Variants in THRB observed in about 807,000 individuals in gnomAD.
The protein encoded by THRB is thyroid hormone receptor beta.
A neutral mutation model predicts 47.8 loss-of-function variants in THRB; 12 were observed. The observed-to-expected ratio is 0.25, with a 90% CI of 0.16 to 0.41. The LOEUF (loss-of-function observed/expected upper bound fraction) is 0.41. Ranked by LOEUF, THRB falls within the 10% of genes least tolerant of loss-of-function variation. The pLI, the probability that THRB is intolerant of heterozygous loss-of-function variation, is 1.00. For synonymous variants in THRB, 218 were observed against 212.2 expected (o/e 1.03, Z -0.24); for missense variants, 348 against 589.2 (o/e 0.59, Z 4.24).
intron 1 of THRB, among the ~76,000 whole-genome samples, chr3:24,439,667 A>G (rs2071341028): frequency 6.6e-6 from 1 of 152,104 alleles, no homozygotes; most frequent in Non-Finnish European, 1.5e-5. Context: ...AAGGCAACCC[A>G]CTCTATTTTG....
intron 1 of THRB, among the ~76,000 whole-genome samples, chr3:24,376,206 G>A (rs1577182931): frequency 6.6e-6 from 1 of 152,172 alleles, no homozygotes; most frequent in Admixed American, 6.5e-5. Context: ...ACAAATATTT[G>A]AAGCCACAAT....
chr3:24,129,431 G>C (rs572832457), intron 9 of THRB, among the ~76,000 whole-genome samples: 54 of 152,262 alleles, frequency 3.5e-4, no homozygotes, highest in African/African-American at 1.3e-3. Flanking sequence ...TGCAAACTGG[G>C]GCAGGCCCCA....
chr3:24,219,295 C>CA (rs2046928107), intron 4 of THRB, among the ~76,000 whole-genome samples: 1 of 151,822 alleles, frequency 6.6e-6, no homozygotes, highest in Non-Finnish European at 1.5e-5. Flanking sequence ...GACCCTGTCT[C>CA]AAAAAACAAA....
At chr3:24,233,611 G>GAA (rs1190094793) in intron 3 of THRB, among the ~76,000 whole-genome samples, 1 of 133,104 alleles carries the variant, frequency 7.5e-6, no homozygotes, top group Non-Finnish European at 1.7e-5. Flanking sequence ...AAGAAAGAAA[G>GAA]AAAGAGAAAG....
At chr3:24,250,294 G>A (rs1456765674) in intron 3 of THRB, among the ~76,000 whole-genome samples, 1 of 152,174 alleles carries the variant, frequency 6.6e-6, no homozygotes, top group Non-Finnish European at 1.5e-5. Context: ...CTCGCAGGTA[G>A]TATTGACTGC....
intron 5 of THRB, among the ~76,000 whole-genome samples, chr3:24,159,354 A>G (rs1435425366): frequency 6.6e-6 from 1 of 152,236 alleles, no homozygotes; most frequent in African/African-American, 2.4e-5. Context: ...AAAGAGATTG[A>G]TGCTTTCGTA....
intron 3 of THRB, among the ~76,000 whole-genome samples, chr3:24,270,725 C>G (rs1041792277): frequency 2.0e-5 from 3 of 152,230 alleles, no homozygotes; most frequent in Admixed American, 6.5e-5. Context: ...TCTAGCCTAA[C>G]TTCTGTTCCC....
At chr3:24,188,544 T>A (rs374464952) in intron 5 of THRB, among the ~76,000 whole-genome samples, 1 of 152,120 alleles carries the variant, frequency 6.6e-6, no homozygotes, top group Non-Finnish European at 1.5e-5. Flanking sequence ...AATGAATAAA[T>A]GAATGAATAT....
intron 3 of THRB, among the ~76,000 whole-genome samples, chr3:24,241,100 A>C (rs1422720054): frequency 6.6e-6 from 1 of 152,206 alleles, no homozygotes; most frequent in Non-Finnish European, 1.5e-5. Context: ...TGTGGCAACA[A>C]AACGGCAATG....
chr3:24,434,277 G>C (rs1352353203), intron 1 of THRB, among the ~76,000 whole-genome samples: 4 of 152,172 alleles, frequency 2.6e-5, no homozygotes, highest in Non-Finnish European at 5.9e-5. Context: ...ATTTGCCTTG[G>C]AGCCTTCTGT....
rs189616782 is a variant in THRB at position 24,233,698 on chromosome 3, C to T, written c.-42-4697G>A. 3.1e-3 allele frequency among the ~76,000 whole-genome samples: 473 copies of T among 152,068 alleles called. 1 individual carries two copies. The highest frequency in any genetic ancestry group is 0.01 in the African/African-American group (429 of 41,470). ...GATGTCTCATGTACAATATCCTGGA[C>T]GATGGAAAACGTATCTTAAGGAAAC... On this transcript the variant is annotated intron_variant, in intron 3 of 10. Transcript: ENST00000646209.
At chr3:24,248,936 T>C (rs1206949991) in intron 3 of THRB, among the ~76,000 whole-genome samples, 1 of 152,206 alleles carries the variant, frequency 6.6e-6, no homozygotes, top group Non-Finnish European at 1.5e-5. Context: ...GCTTTAGTGC[T>C]CCAATTCCGA....
intron 3 of THRB, among the ~76,000 whole-genome samples, chr3:24,249,993 C>T (rs1198977555): frequency 1.3e-5 from 2 of 152,114 alleles, no homozygotes; most frequent in Non-Finnish European, 2.9e-5. Context: ...ACTTTTGCAC[C>T]AACCTAGTAC....
In THRB at chr3:24,209,882, T is replaced by C. The variant is rs1387733307; in HGVS notation, c.22+19056A>G. ...CAGCTTAAGATACAAACATTTCTAG[T>C]AATGAAAGTCTGGCCTGAGATATTT... On this transcript the variant is annotated intron_variant, in intron 4 of 10. Transcript: ENST00000646209. Among the ~76,000 whole-genome samples the C allele has an allele frequency of 2.0e-5, 3 of 152,206 alleles. No individual in the cohort carries two copies. The East Asian group carries it at 5.8e-4, about 29-fold the overall frequency.
At chr3:24,419,527 T>A (rs535916139) in intron 1 of THRB, among the ~76,000 whole-genome samples, 3 of 152,014 alleles carry the variant, frequency 2.0e-5, no homozygotes, top group African/African-American at 7.2e-5. Flanking sequence ...CCCTTTTGAT[T>A]CCTATTTGAG....
Position 24,210,417 on chromosome 3 carries a change from T to G in THRB, c.22+18521A>C, listed in dbSNP as rs6792586. Among the ~76,000 whole-genome samples, 1,234 of 152,182 alleles carry G rather than the reference T, an allele frequency of 8.1e-3. 12 individuals are homozygous for G. Among genetic ancestry groups the G allele is most frequent in the African/African-American group, 0.027 (1,117 of 41,544 alleles). ...AGGTTGGTTTATTTGTTTGTTTTTTTTTTTTGCTTCTGTGGGGCATAGCTG... is the reference window on the plus strand; with the variant it reads ...AGGTTGGTTTATTTGTTTGTTTTTTGTTTTTGCTTCTGTGGGGCATAGCTG... On this transcript the variant is annotated intron_variant, in intron 4 of 10. Transcript: ENST00000646209.
intron 4 of THRB, among the ~76,000 whole-genome samples, chr3:24,190,927 A>C (rs543270268): frequency 6.6e-6 from 1 of 152,166 alleles, no homozygotes; most frequent in East Asian, 1.9e-4. Context: ...GAAGTTTTGT[A>C]AAGGGCTTCA....
intron 8 of THRB, among the ~76,000 whole-genome samples, chr3:24,140,362 G>A (rs2035274169): frequency 6.6e-6 from 1 of 152,094 alleles, no homozygotes; most frequent in Non-Finnish European, 1.5e-5. Context: ...TCTGAGTTCT[G>A]GGGATTGATT....
At chr3:24,338,182 T>C (rs746731160) in intron 1 of THRB, among the ~76,000 whole-genome samples, 11 of 152,014 alleles carry the variant, frequency 7.2e-5, no homozygotes, top group Non-Finnish European at 1.5e-4. Context: ...TGTGCTCTAA[T>C]TTTTTTTAAT....
Sources: gnomAD v4.1 joint callset for allele counts (sites outside exome capture counted in the v4.1 genomes callset) on GRCh38, gnomAD v4.1.1 for gene constraint, MANE v1.5 for transcripts, NCBI Gene and HGNC (gene_info 2026-07-23, HGNC 2026-07-21) for gene names.